PPP2R3A: variants seen among roughly 807,000 people sequenced by gnomAD.
PPP2R3A encodes the protein serine/threonine-protein phosphatase 2A regulatory subunit B'' subunit alpha.
Under a neutral mutation model 106.9 loss-of-function variants are expected in PPP2R3A, and 80 were observed. The observed-to-expected ratio is 0.75, with a 90% CI of 0.62 to 0.90. The LOEUF (loss-of-function observed/expected upper bound fraction) is 0.90, where lower values mean the gene tolerates loss of function less well. Ranked by LOEUF, PPP2R3A falls within the 40% of genes least tolerant of loss-of-function variation. The pLI is 0.00. For synonymous variants in PPP2R3A, 483 were observed against 468.3 expected, an observed-to-expected ratio of 1.03 and a Z score of -0.41; for missense variants, 1,386 against 1,350.4, an observed-to-expected ratio of 1.03 and a Z score of -0.41.
At chr3:136,130,210 A>T (rs969986721) in intron 13 of PPP2R3A, among the ~76,000 whole-genome samples, 1 of 152,192 alleles carries the variant, frequency 6.6e-6, no homozygotes, top group African/African-American at 2.4e-5. Context: ...CAGATAGGAA[A>T]AGAGGAAGTC....
intron 2 of PPP2R3A, among the ~76,000 whole-genome samples, chr3:136,018,283 A>G (rs1412274377): frequency 6.6e-6 from 1 of 152,234 alleles, no homozygotes; most frequent in Non-Finnish European, 1.5e-5. Context: ...ATAAAGGGGT[A>G]GACTTACTTT....
At chr3:135,998,926 A>G (rs1933509717) in intron 1 of PPP2R3A, among the ~76,000 whole-genome samples, 1 of 152,226 alleles carries the variant, frequency 6.6e-6, no homozygotes, top group Admixed American at 6.5e-5. Flanking sequence ...AAGAATATCA[A>G]CAGTGTTTAT....
intron 10 of PPP2R3A, among the ~76,000 whole-genome samples, chr3:136,094,850 G>T (rs1342373443): frequency 1.3e-5 from 2 of 152,076 alleles, no homozygotes; most frequent in African/African-American, 4.8e-5. Context: ...AAACAGAAAG[G>T]GAAGGAATAA....
At position 136,040,889 on chromosome 3, in the gene PPP2R3A, C is replaced by G. The variant is rs982744550; in HGVS notation, c.2293C>G (p.Pro765Ala). ...VCGCPLYWKA[P>A]MFRAAGGEKT... ...TGGCTGTCCTCTCTATTGGAAAGCC[C>G]CCATGTTCAGGGCTGCAGGGGGAGA... Residue 765 changes from proline (P) to alanine (A), a missense_variant, in exon 4 of 14, where the codon CCC (proline) becomes GCC (alanine). By Grantham distance (27) the Pro-to-Ala change is conservative. Coordinates refer to ENST00000264977, the MANE Select transcript of PPP2R3A (RefSeq NM_002718.5). 1 of 1,613,184 alleles carries G rather than the reference C, an allele frequency of 6.2e-7. No homozygotes were observed. Among genetic ancestry groups the G allele is most frequent in the Admixed American group, 1.7e-5 (1 of 59,942 alleles).
chr3:136,002,987 C>A lies in PPP2R3A; in HGVS notation c.1489C>A (p.Gln497Lys), dbSNP rs923504820. 6.2e-7 allele frequency: 1 copy of A among 1,613,400 alleles called. No individual in the cohort carries two copies. The highest frequency in any genetic ancestry group is 1.1e-5 in the South Asian group (1 of 90,920). The change falls in exon 2 of 14, where the codon CAG becomes AAG. Residue 497 changes from glutamine to lysine, a missense_variant. Coordinates refer to ENST00000264977, the MANE Select transcript of PPP2R3A (RefSeq NM_002718.5). ...AGTTTCTAAATTTGAAGAGGGAGAC[C>A]AGAGAGATTTTACAAATTCCAGTAG... ...SKVSKFEEGD[Q>K]RDFTNSSSQE...
At chr3:136,138,586 CATTTTAT>C (rs992645201) in intron 13 of PPP2R3A, among the ~76,000 whole-genome samples, 26 of 150,846 alleles carry the variant, frequency 1.7e-4, no homozygotes, top group African/African-American at 6.3e-4. Context: ...TCAGCTAATC[CATTTTAT>C]ATAAGTGGCT....
chr3:136,002,242 C>T lies in PPP2R3A; in HGVS notation c.744C>T (p.Asp248=). ...KCSEDLKKCT[D]IIKQCIKKKS... The stretch of plus-strand genomic sequence containing the variant: ...CCGAGGATTTAAAAAAATGCACAGA[C>T]ATCATAAAACAATGCATAAAGAAAA... Residue 248 remains aspartate, a synonymous_variant, in exon 2 of 14, where the codon GAC becomes GAT. Transcript: ENST00000264977. 2 of 1,613,718 alleles carry T rather than the reference C, an allele frequency of 1.2e-6. No homozygotes were observed. Among genetic ancestry groups the T allele is most frequent in the Non-Finnish European group, 8.5e-7 (1 of 1,179,902 alleles).
At chr3:136,110,921 A>G (rs534092384) in intron 13 of PPP2R3A, among the ~76,000 whole-genome samples, 2 of 152,318 alleles carry the variant, frequency 1.3e-5, no homozygotes, top group African/African-American at 4.8e-5. Flanking sequence ...CATTATCCAT[A>G]AAGTGTACAC....
chr3:136,106,712 G>A (rs950489546), intron 13 of PPP2R3A: 5 of 186,178 alleles, frequency 2.7e-5, no homozygotes, highest in South Asian at 1.0e-4. Context: ...ACCAGAGGTC[G>A]GGAGTTTGAA....
At chr3:136,120,349 A>T (rs903750095) in intron 13 of PPP2R3A, among the ~76,000 whole-genome samples, 2 of 152,160 alleles carry the variant, frequency 1.3e-5, no homozygotes, top group African/African-American at 2.4e-5. Context: ...GCACTTTGGG[A>T]GGCCAAGGCA....
intron 2 of PPP2R3A, among the ~76,000 whole-genome samples, chr3:136,022,525 T>C (rs9852169): frequency 0.66 from 100,298 of 152,006 alleles, 35,196 homozygotes; most frequent in African/African-American, 0.9. Context: ...CGAAGTTCAG[T>C]AGCCTGTTCT....
chr3:136,140,885 G>A (rs1422261896), intron 13 of PPP2R3A, among the ~76,000 whole-genome samples: 10 of 152,138 alleles, frequency 6.6e-5, no homozygotes, highest in East Asian at 1.9e-4. Flanking sequence ...CCTCCTGGGC[G>A]ACAGAGCGAG....
In PPP2R3A at chr3:136,087,245, G is replaced by GTCTCTCTCTCTCTCTCTCTCTC. The variant is rs34566151; in HGVS notation, c.2789-605_2789-584dup. Among the ~76,000 whole-genome samples, 25 of 75,122 alleles carry GTCTCTCTCTCTCTCTCTCTCTC rather than the reference G, an allele frequency of 3.3e-4. 1 individual carries two copies. Among genetic ancestry groups the GTCTCTCTCTCTCTCTCTCTCTC allele is most frequent in the East Asian group, 5.6e-4 (1 of 1,774 alleles). 49.3% of individuals were successfully genotyped at this position (75,122 alleles called of 152,430 possible). ...AATGAAAGAACAGGTCTCTAGTCGT[G>GTCTCTCTCTCTCTCTCTCTCTC]TCTCTCTCTCTCTCTCTCTCTCTCT... On this transcript the variant is annotated intron_variant, in intron 8 of 13. Transcript: ENST00000264977.
chr3:135,977,508 ATTG>A (rs1937449013), intron 1 of PPP2R3A, among the ~76,000 whole-genome samples: 1 of 151,986 alleles, frequency 6.6e-6, no homozygotes, highest in South Asian at 2.1e-4. Flanking sequence ...ACTGTTTTTA[ATTG>A]TTTTTAGTTG....
intron 1 of PPP2R3A, among the ~76,000 whole-genome samples, chr3:135,973,502 A>T (rs928548983): frequency 6.6e-6 from 1 of 152,192 alleles, no homozygotes; most frequent in Non-Finnish European, 1.5e-5. Context: ...AGGGCCCCAG[A>T]TGCAAGAGGT....
chr3:136,002,680 A>T lies in PPP2R3A; in HGVS notation c.1182A>T (p.Gln394His), dbSNP rs777828704. The T allele has an allele frequency of 2.5e-6, 4 of 1,613,458 alleles. No homozygotes were observed. The highest frequency in any genetic ancestry group is 3.4e-6 in the Non-Finnish European group (4 of 1,179,408). The change falls in exon 2 of 14, where the codon CAA becomes CAT. Residue 394 changes from glutamine to histidine, a missense_variant. Transcript: ENST00000264977. ...DPRTLKAVQV[Q>H]SQSLTMNPLE... ...GAACTCTAAAAGCTGTCCAGGTCCA[A>T]TCACAGTCATTAACCATGAATCCTT...
At chr3:136,092,970 C>T (rs897520113) in intron 10 of PPP2R3A, among the ~76,000 whole-genome samples, 1 of 151,998 alleles carries the variant, frequency 6.6e-6, no homozygotes, top group Admixed American at 6.6e-5. Context: ...GGATCACAGC[C>T]CAAAATGTAT....
At chr3:136,087,766 CAT>C (rs1936991141) in intron 8 of PPP2R3A, 115 bp from the exon 9 acceptor site, 1 of 638,818 alleles carries the variant, frequency 1.6e-6, no homozygotes, top group Non-Finnish European at 2.8e-6. Context: ...ACATTCTCAT[CAT>C]GGACGATGGT....
chr3:136,096,011 C>A (rs867630229), intron 10 of PPP2R3A, among the ~76,000 whole-genome samples: 2 of 152,188 alleles, frequency 1.3e-5, no homozygotes, highest in African/African-American at 4.8e-5. Flanking sequence ...ATGCTCAGAA[C>A]ACATCTTAGC....
Sources: gnomAD v4.1 joint callset for allele counts (sites outside exome capture counted in the v4.1 genomes callset) on GRCh38, gnomAD v4.1.1 for gene constraint, MANE v1.5 for transcripts, NCBI Gene and HGNC (gene_info 2026-07-23, HGNC 2026-07-21) for gene names.